RIMS2: variants seen among roughly 807,000 people sequenced by gnomAD.
The protein encoded by RIMS2 is regulating synaptic membrane exocytosis 2.
A neutral mutation model predicts 174.4 loss-of-function variants in RIMS2; 59 were observed. That is an observed-to-expected ratio of 0.34 (90% CI 0.27 to 0.42). The LOEUF is 0.42. RIMS2 is among the 10% of genes least tolerant of loss of function. RIMS2 has a pLI of 1.00. For missense variants in RIMS2, 1,620 were observed against 1,666.3 expected (o/e 0.97, Z 0.48); for synonymous variants, 606 against 572.5 (o/e 1.06, Z -0.84).
At chr8:103,633,564 G>A (rs532358619) in intron 1 of RIMS2, among the ~76,000 whole-genome samples, 1 of 152,194 alleles carries the variant, frequency 6.6e-6, no homozygotes, top group Admixed American at 6.5e-5. Context: ...TGAATTGGGA[G>A]GTGTCTTCCC....
chr8:103,724,319 ACT>A (rs1332981029), intron 2 of RIMS2, among the ~76,000 whole-genome samples: 1 of 151,278 alleles, frequency 6.6e-6, no homozygotes, highest in Non-Finnish European at 1.5e-5. Flanking sequence ...TCCTGACATC[ACT>A]CTCTGCATTT....
chr8:104,141,888 C>T (rs2098580196), intron 19 of RIMS2, among the ~76,000 whole-genome samples: 1 of 152,080 alleles, frequency 6.6e-6, no homozygotes, highest in African/African-American at 2.4e-5. Context: ...TTTTCAGTCC[C>T]TTGTTATTTT....
chr8:104,184,536 C>T (rs544974726), intron 19 of RIMS2, among the ~76,000 whole-genome samples: 170 of 151,574 alleles, frequency 1.1e-3, no homozygotes, highest in African/African-American at 3.8e-3. Context: ...TTGCTTGATT[C>T]GCCATAATAT....
At chr8:103,885,899 C>T (rs746820996) in exon 4 of RIMS2, 62 of 1,612,910 alleles carry the variant, frequency 3.8e-5, no homozygotes, top group Non-Finnish European at 5.0e-5. Flanking sequence ...CCATAGTCCT[C>T]CTACCCCCAG....
At chr8:103,786,989 C>A (rs1022531639) in intron 3 of RIMS2, among the ~76,000 whole-genome samples, 7 of 151,066 alleles carry the variant, frequency 4.6e-5, no homozygotes, top group African/African-American at 1.7e-4. Flanking sequence ...GGATAGTTAG[C>A]TCTTCTTGTT....
chr8:103,726,999 A>C (rs2097534860), intron 2 of RIMS2, among the ~76,000 whole-genome samples: 3 of 151,572 alleles, frequency 2.0e-5, no homozygotes. Flanking sequence ...AGCCTCCCAA[A>C]GTGCTGGGAT....
chr8:104,155,656 A>G (rs1318748591), intron 19 of RIMS2, among the ~76,000 whole-genome samples: 19 of 118,968 alleles, frequency 1.6e-4, no homozygotes, highest in East Asian at 7.7e-4. Flanking sequence ...CTGGTGATCC[A>G]CCCGCCTCGG....
intron 19 of RIMS2, among the ~76,000 whole-genome samples, chr8:104,086,825 C>A (rs1214335095): frequency 6.6e-6 from 1 of 152,050 alleles, no homozygotes; most frequent in African/African-American, 2.4e-5. Flanking sequence ...GATCACAGGT[C>A]TTGATACACA....
chr8:104,190,277 G>A (rs1164209967), intron 19 of RIMS2, among the ~76,000 whole-genome samples: 2 of 152,054 alleles, frequency 1.3e-5, no homozygotes, highest in Non-Finnish European at 2.9e-5. Context: ...ACCTCAGCCT[G>A]TGACAGAGTG....
chr8:103,824,840 C>A (rs187832444), intron 3 of RIMS2, among the ~76,000 whole-genome samples: 74 of 152,316 alleles, frequency 4.9e-4, no homozygotes, highest in African/African-American at 1.7e-3. Context: ...CTTTTCATTT[C>A]ATCATAAGTC....
chr8:103,819,632 G>A, intron 3 of RIMS2: 1 of 1,596,724 alleles, frequency 6.3e-7, no homozygotes, highest in Non-Finnish European at 8.5e-7. Context: ...AATGCAAGGT[G>A]AGTAGAGCCA....
chr8:103,714,724 CAAT>C (rs763234468), intron 2 of RIMS2, among the ~76,000 whole-genome samples: 3 of 151,754 alleles, frequency 2.0e-5, no homozygotes, highest in Middle Eastern at 3.2e-3. Flanking sequence ...ATGATAGAAT[CAAT>C]GATATATAAG....
At chr8:103,545,638 C>T (rs771025833) in intron 1 of RIMS2, among the ~76,000 whole-genome samples, 11 of 152,008 alleles carry the variant, frequency 7.2e-5, no homozygotes, top group Non-Finnish European at 1.3e-4. Context: ...AGGGGCACAC[C>T]CCCTACAAAG....
chr8:103,996,358 G>A (rs1458268891), intron 17 of RIMS2, among the ~76,000 whole-genome samples: 1 of 151,878 alleles, frequency 6.6e-6, no homozygotes, highest in East Asian at 1.9e-4. Flanking sequence ...AAAGGGTATT[G>A]TTCTAGTCTC....
intron 1 of RIMS2, among the ~76,000 whole-genome samples, chr8:103,572,913 C>A (rs890050589): frequency 1.3e-5 from 2 of 151,948 alleles, no homozygotes; most frequent in Non-Finnish European, 2.9e-5. Flanking sequence ...TAATTAGGTC[C>A]CAGTTGTCAA....
intron 1 of RIMS2, among the ~76,000 whole-genome samples, chr8:103,546,136 C>A (rs1203469747): frequency 1.3e-5 from 2 of 152,042 alleles, no homozygotes; most frequent in African/African-American, 4.8e-5. Context: ...TACAAGAGAC[C>A]CATCCTACAA....
intron 3 of RIMS2, among the ~76,000 whole-genome samples, chr8:103,789,983 A>C (rs544285558): frequency 6.6e-6 from 1 of 152,192 alleles, no homozygotes; most frequent in South Asian, 2.1e-4. Context: ...GCCGATCTCA[A>C]ACTCCTGAGC....
chr8:104,079,158 T>C (rs1187356729), intron 19 of RIMS2, among the ~76,000 whole-genome samples: 1 of 152,098 alleles, frequency 6.6e-6, no homozygotes, highest in Non-Finnish European at 1.5e-5. Flanking sequence ...TGTAGAATTA[T>C]AGCAGAAATT....
At chr8:103,681,411 C>T (rs149068152) in intron 1 of RIMS2, among the ~76,000 whole-genome samples, 211 of 152,044 alleles carry the variant, frequency 1.4e-3, no homozygotes, top group African/African-American at 4.9e-3. Context: ...CTGGTTTCCT[C>T]AGGGAAGGGA....
Sources: allele counts gnomAD v4.1 joint callset (sites outside exome capture counted in the v4.1 genomes callset), GRCh38; gene constraint gnomAD v4.1.1; transcripts MANE v1.5; gene names NCBI Gene and HGNC (gene_info 2026-07-23, HGNC 2026-07-21).